Variants in PECR observed in about 807,000 individuals in gnomAD.
PECR encodes the protein peroxisomal trans-2-enoyl-CoA reductase, also known as 2,4-dienoyl-CoA reductase-related protein.
A neutral mutation model predicts 35.3 loss-of-function variants in PECR; 30 were observed. That is an observed-to-expected ratio of 0.85 (90% confidence interval 0.64 to 1.15). The LOEUF (loss-of-function observed/expected upper bound fraction) is 1.15, where lower values mean the gene tolerates loss of function less well. Among genes scored for constraint, PECR ranks in the 50% most tolerant of loss-of-function variants. PECR has a pLI of 0.00. For missense variants in PECR, 392 were observed against 370.8 expected (o/e 1.06, Z -0.47); for synonymous variants, 148 against 138.9 (o/e 1.07, Z -0.46).
rs1474374154 is a variant in PECR, at chr2:216,081,598, C to G, written c.124+20G>C. ...AGGTCACCACAGCCACCTCTCTGCA[C>G]CAGCGGCCCGCTCACGTACCCAGCT... On this transcript the variant is annotated intron_variant, in intron 1 of 7. Transcript: ENST00000265322. The G allele has an allele frequency of 5.0e-6, 8 of 1,613,674 alleles. No homozygotes were observed. Among genetic ancestry groups the G allele is most frequent in the Non-Finnish European group, 6.8e-6 (8 of 1,179,952 alleles).
chr2:216,063,697 C>A (rs1407164017), intron 3 of PECR, among the ~76,000 whole-genome samples: 2 of 151,758 alleles, frequency 1.3e-5, no homozygotes, highest in East Asian at 1.9e-4. Context: ...AAATAATAGG[C>A]CTTGTATTTG....
intron 4 of PECR, among the ~76,000 whole-genome samples, chr2:216,057,212 T>C (rs920392683): frequency 2.0e-5 from 3 of 152,166 alleles, no homozygotes; most frequent in Admixed American, 6.5e-5. Context: ...CACTATCTGA[T>C]GTACAGAAAA....
In PECR at chr2:216,066,462, C is replaced by T. The variant is rs755484454; in HGVS notation, c.181G>A (p.Glu61Lys). ...KLERLKSAAD[E>K]LQANLPPTKQ... ...GTGGGAGGTAGGTTGGCCTGCAGTT[C>T]ATCTGCCGCAGACTTCAATCTCTCC... Residue 61 changes from glutamate to lysine, a missense_variant, in exon 2 of 8, where the codon GAA becomes AAA. By Grantham distance (56) the Glu-to-Lys change is moderately conservative. Coordinates refer to ENST00000265322, the MANE Select transcript of PECR (RefSeq NM_018441.6). 6.2e-7 allele frequency: 1 copy of T among 1,613,558 alleles called. No homozygotes were observed.
At chr2:216,075,016 T>G (rs1695668653) in intron 1 of PECR, among the ~76,000 whole-genome samples, 1 of 152,218 alleles carries the variant, frequency 6.6e-6, no homozygotes, top group African/African-American at 2.4e-5. Context: ...GCATGGTGAC[T>G]CATGCTTGTA....
Position 216,039,225 on chromosome 2 carries a change from C to T in PECR, c.*50G>A, listed in dbSNP as rs375065162. 5.3e-6 allele frequency: 5 copies of T among 948,538 alleles called. No homozygotes were observed. The highest frequency in any genetic ancestry group is 7.0e-6 in the Non-Finnish European group (4 of 572,294). The allele number at this position is 948,538 out of a possible 1,614,324, so 58.8% of individuals were successfully genotyped here. ...GCTTTTAAAAAGTACAGAAGCATAT[C>T]CTCAAGATGTGAAGGCACTGGGGGA... is the stretch of plus-strand genomic sequence containing the variant. On this transcript the variant is annotated 3_prime_UTR_variant, in exon 8 of 8. Coordinates refer to ENST00000265322, the MANE Select transcript of PECR (RefSeq NM_018441.6).
At chr2:216,069,262 G>A (rs891717997) in intron 1 of PECR, among the ~76,000 whole-genome samples, 3 of 152,128 alleles carry the variant, frequency 2.0e-5, no homozygotes, top group Non-Finnish European at 4.4e-5. Flanking sequence ...TTCTTCCAGC[G>A]TCTATCAGTG....
At position 216,061,126 on chromosome 2, in the gene PECR, TACCAA is replaced by T. The variant is rs1345950571; in HGVS notation, c.425-2155_425-2151del. 5.4e-3 allele frequency among the ~76,000 whole-genome samples: 333 copies of T among 61,808 alleles called. 3 individuals carry two copies. The highest frequency in any genetic ancestry group is 0.023 in the African/African-American group (322 of 14,006). 40.5% of individuals were successfully genotyped at this position (61,808 alleles called of 152,430 possible). A position where few individuals can be genotyped will look rare whatever the true frequency, so the allele number is the denominator to read the frequency against. On this transcript the variant is annotated intron_variant, in intron 3 of 7. Transcript: ENST00000265322. ...CGGCAACAAGGGGAGACCCCGGCTC[TACCAA>T]AAAAAAAAAAAAAAAAAAAAAAAAA...
intron 1 of PECR, among the ~76,000 whole-genome samples, chr2:216,078,053 T>A (rs746124753): frequency 6.4e-4 from 97 of 150,460 alleles, no homozygotes; most frequent in Non-Finnish European, 1.1e-3. Flanking sequence ...ATCATCATTT[T>A]AAAAACCATG....
chr2:216,054,542 C>T (rs924751930), intron 4 of PECR, among the ~76,000 whole-genome samples: 2 of 151,230 alleles, frequency 1.3e-5, no homozygotes, highest in African/African-American at 4.8e-5. Flanking sequence ...CACCATGTTG[C>T]CCATGCTGGT....
downstream of PECR, among the ~76,000 whole-genome samples, chr2:216,035,798 T>C (rs1694785047): frequency 6.6e-6 from 1 of 152,136 alleles, no homozygotes; most frequent in Non-Finnish European, 1.5e-5. Context: ...AGGTTCTTCT[T>C]TGAGCTCTCA....
At chr2:216,076,902 CTTTT>C (rs766073483) in intron 1 of PECR, among the ~76,000 whole-genome samples, 8 of 138,006 alleles carry the variant, frequency 5.8e-5, no homozygotes, top group East Asian at 2.1e-4. Flanking sequence ...TCCAATTTTA[CTTTT>C]TTTTTTTTTT....
At chr2:216,078,331 G>C (rs1695753927) in intron 1 of PECR, among the ~76,000 whole-genome samples, 1 of 152,042 alleles carries the variant, frequency 6.6e-6, no homozygotes, top group Non-Finnish European at 1.5e-5. Context: ...AAAAAATAAA[G>C]AGGAAAAAGT....
At chr2:216,061,970 A>ATGTGTGTGTGTGTG (rs5838567) in intron 3 of PECR, among the ~76,000 whole-genome samples, 6 of 150,540 alleles carry the variant, frequency 4.0e-5, no homozygotes, top group Middle Eastern at 3.5e-3. Context: ...GTGTGTGAGT[A>ATGTGTGTGTGTGTG]TGTGTGTGTG....
chr2:216,078,584 T>C (rs1280747248), intron 1 of PECR, among the ~76,000 whole-genome samples: 4 of 142,296 alleles, frequency 2.8e-5, no homozygotes, highest in Non-Finnish European at 6.1e-5. Context: ...CGAAACTCCA[T>C]CTCAAAAAAA....
chr2:216,049,410 T>C (rs775922645), intron 5 of PECR, 37 bp from the exon 6 acceptor site: 1 of 869,554 alleles, frequency 1.2e-6, no homozygotes, highest in Admixed American at 1.8e-5. Flanking sequence ...AAATAAAGTG[T>C]ATTATATTAA....
chr2:216,039,308 C>T lies in PECR; in HGVS notation c.879G>A (p.Met293Ile), dbSNP rs1694848966. 1.9e-6 allele frequency: 3 copies of T among 1,609,708 alleles called. No homozygotes were observed. The South Asian group carries it at 3.3e-5, about 18-fold the overall frequency. ...GAGDLSVVKK[M>I]KETFKEKAKL Reference sequence around the variant, plus strand: ...TAGCTTTCTCCTTAAAGGTCTCCTTCATCTTTTTGACAACAGAAAGGTCCC... The same window carrying T: ...TAGCTTTCTCCTTAAAGGTCTCCTTTATCTTTTTGACAACAGAAAGGTCCC... The change falls in exon 8 of 8, where the codon ATG becomes ATA. Residue 293 changes from methionine (M) to isoleucine (I), a missense_variant. Met to Ile is a conservative substitution (Grantham distance 10, BLOSUM62 1). Transcript: ENST00000265322.
At chr2:216,031,501 AAG>A (rs1169736049) in intron 7 of PECR, among the ~76,000 whole-genome samples, 2 of 130,644 alleles carry the variant, frequency 1.5e-5, no homozygotes, top group South Asian at 2.3e-4. Context: ...AAGAGAAAGA[AAG>A]AGAGAAAGGA....
In PECR at chr2:216,044,104, G is replaced by C. The variant is rs1694948422; in HGVS notation, c.715-89C>G. The C allele has an allele frequency of 1.1e-5, 8 of 723,038 alleles. No individual in the cohort carries two copies. In the Admixed American group the frequency reaches 1.6e-4, roughly 15 times the overall value. 44.8% of individuals were successfully genotyped at this position (723,038 alleles called of 1,614,324 possible). A position where few individuals can be genotyped will look rare whatever the true frequency, so the allele number is the denominator to read the frequency against. ...CATTCCCCAGTAAAGGCATCTCAAA[G>C]CCCATGATTGTAACATGAATCCAAC... On this transcript the variant is annotated intron_variant, in intron 6 of 7. Coordinates refer to ENST00000265322, the MANE Select transcript of PECR (RefSeq NM_018441.6).
At chr2:216,056,867 T>TG (rs375793974) in intron 4 of PECR, among the ~76,000 whole-genome samples, 3 of 152,196 alleles carry the variant, frequency 2.0e-5, no homozygotes, top group African/African-American at 7.2e-5. Context: ...TTTCTTACTA[T>TG]GAGTCATGGT....
Sources: allele counts gnomAD v4.1 joint callset (sites outside exome capture counted in the v4.1 genomes callset), GRCh38; gene constraint gnomAD v4.1.1; transcripts MANE v1.5; gene names NCBI Gene and HGNC (gene_info 2026-07-23, HGNC 2026-07-21).